APBB2: variants seen among roughly 807,000 people sequenced by gnomAD.
APBB2 encodes the protein amyloid beta precursor protein binding family B member 2, also known as Fe65-like 1.
In APBB2, 38 loss-of-function variants were observed where a neutral mutation model predicts 82.5. The observed-to-expected ratio is 0.46, with a 90% CI of 0.36 to 0.60. The LOEUF (loss-of-function observed/expected upper bound fraction) is 0.60. APBB2 is among the 20% of genes least tolerant of loss of function. APBB2 has a pLI of 0.00. For synonymous variants in APBB2, 341 were observed against 368.2 expected (o/e 0.93, Z 0.85); for missense variants, 772 against 972.3 (o/e 0.79, Z 2.74).
At chr4:41,034,938 T>C (rs889610817) in intron 4 of APBB2, among the ~76,000 whole-genome samples, 4 of 152,212 alleles carry the variant, frequency 2.6e-5, no homozygotes, top group African/African-American at 9.7e-5. Context: ...CAAATACAGA[T>C]ACTGTATGAT....
intron 1 of APBB2, among the ~76,000 whole-genome samples, chr4:41,168,900 G>A (rs75708228): frequency 9.3e-4 from 142 of 152,216 alleles, no homozygotes; most frequent in African/African-American, 3.4e-3. Context: ...AGAGGACAGA[G>A]AAGTGGCTGG....
intron 10 of APBB2, among the ~76,000 whole-genome samples, chr4:40,903,512 G>A (rs1216923328): frequency 4.6e-5 from 7 of 152,124 alleles, no homozygotes; most frequent in Admixed American, 2.0e-4. Context: ...TGATTTTGAT[G>A]TAAGCCCCCT....
At chr4:40,952,517 C>A (rs574567728) in intron 6 of APBB2, among the ~76,000 whole-genome samples, 1 of 152,204 alleles carries the variant, frequency 6.6e-6, no homozygotes, top group South Asian at 2.1e-4. Context: ...CCTCATTCTC[C>A]ATTTTTAAGT....
In APBB2 at chr4:40,934,598, C is replaced by A; in HGVS notation, c.1193+16G>T. 1.9e-6 allele frequency: 3 copies of A among 1,612,526 alleles called. No individual in the cohort carries two copies. Among genetic ancestry groups the A allele is most frequent in the Non-Finnish European group, 2.5e-6 (3 of 1,178,560 alleles). ...AGCCATACATTGACAGCAGGTCGAT[C>A]CTACTAATGTCCTACCTGAGTTTCA... On this transcript the variant is annotated intron_variant, in intron 9 of 17. Transcript: ENST00000508593.
At chr4:41,151,721 C>T (rs1762320895) in intron 1 of APBB2, among the ~76,000 whole-genome samples, 1 of 151,672 alleles carries the variant, frequency 6.6e-6, no homozygotes, top group African/African-American at 2.4e-5. Context: ...AGTCAGCTCT[C>T]AGTCTGATAA....
chr4:40,889,482 T>C (rs1048073646), intron 12 of APBB2, among the ~76,000 whole-genome samples: 2 of 152,226 alleles, frequency 1.3e-5, no homozygotes, highest in Non-Finnish European at 2.9e-5. Flanking sequence ...ATTTTTATCC[T>C]CTTTTGCAAT....
At chr4:40,999,342 A>G (rs907641711) in intron 6 of APBB2, among the ~76,000 whole-genome samples, 4 of 152,164 alleles carry the variant, frequency 2.6e-5, no homozygotes, top group African/African-American at 9.7e-5. Context: ...TACTCAGGAA[A>G]TGAAGTGGGA....
At chr4:41,167,037 T>A (rs1024502441) in intron 1 of APBB2, among the ~76,000 whole-genome samples, 4 of 152,196 alleles carry the variant, frequency 2.6e-5, no homozygotes, top group Non-Finnish European at 4.4e-5. Context: ...CCTCCCACGT[T>A]CAATAATTCA....
chr4:40,841,669 ATTAT>A (rs556036924), intron 12 of APBB2, among the ~76,000 whole-genome samples: 390 of 151,986 alleles, frequency 2.6e-3, no homozygotes, highest in South Asian at 4.0e-3. Flanking sequence ...AAGCACTAAT[ATTAT>A]TTATTTATTT....
chr4:41,151,188 A>C (rs946696031), intron 1 of APBB2, among the ~76,000 whole-genome samples: 1 of 152,148 alleles, frequency 6.6e-6, no homozygotes, highest in African/African-American at 2.4e-5. Context: ...TGTTTATCTT[A>C]AAATTGTTAA....
chr4:41,025,965 AAAAAAAGG>A (rs1713994019), intron 5 of APBB2, among the ~76,000 whole-genome samples: 1 of 148,044 alleles, frequency 6.8e-6, no homozygotes, highest in African/African-American at 2.6e-5. Flanking sequence ...AAAAAAAAAG[AAAAAAAGG>A]AAAATGTGGT....
chr4:40,852,306 G>GT (rs1357866984), intron 12 of APBB2, among the ~76,000 whole-genome samples: 4 of 147,530 alleles, frequency 2.7e-5, no homozygotes, highest in East Asian at 2.0e-4. Context: ...GGCCGAGATC[G>GT]TGACACTGCA....
At chr4:40,987,752 C>T (rs138599653) in intron 6 of APBB2, among the ~76,000 whole-genome samples, 5,188 of 152,220 alleles carry the variant, frequency 0.034, 128 homozygotes, top group Middle Eastern at 0.065. Flanking sequence ...GTTTCTAGAA[C>T]TCTTTTAAAC....
chr4:40,820,302 A>G (rs1577667029), intron 17 of APBB2, among the ~76,000 whole-genome samples: 1 of 152,116 alleles, frequency 6.6e-6, no homozygotes, highest in African/African-American at 2.4e-5. Flanking sequence ...GCTGATCGCC[A>G]CCTCAGCCTT....
In APBB2 at chr4:41,188,909, T is replaced by A. The variant is rs149549304; in HGVS notation, c.-417+25496A>T. ...GCCTAGGTGACAGTGAGACCCCGTCTCAATTCAAAAAAAGAAAAAGTGGTG... is the reference window on the plus strand; with the variant it reads ...GCCTAGGTGACAGTGAGACCCCGTCACAATTCAAAAAAAGAAAAAGTGGTG... On this transcript the variant is annotated intron_variant, in intron 1 of 17. Transcript: ENST00000508593. Among the ~76,000 whole-genome samples the A allele has an allele frequency of 2.0e-5, 3 of 152,072 alleles. No individual in the cohort carries two copies. In the East Asian group the frequency reaches 5.8e-4, roughly 29 times the overall value.
intron 2 of APBB2, among the ~76,000 whole-genome samples, chr4:41,125,118 A>C (rs1023461824): frequency 6.6e-6 from 1 of 152,208 alleles, no homozygotes; most frequent in Non-Finnish European, 1.5e-5. Flanking sequence ...GCTGGAATTC[A>C]GGGTCATCTG....
chr4:41,021,387 G>A (rs1403429469), intron 5 of APBB2, among the ~76,000 whole-genome samples: 1 of 152,162 alleles, frequency 6.6e-6, no homozygotes, highest in Admixed American at 6.5e-5. Context: ...GGTCGAGTGG[G>A]GACTTGGAGA....
At chr4:41,030,333 T>C (rs1716250508) in intron 5 of APBB2, among the ~76,000 whole-genome samples, 1 of 152,182 alleles carries the variant, frequency 6.6e-6, no homozygotes, top group African/African-American at 2.4e-5. Context: ...CAAGTAAGAA[T>C]TAAGACCTTT....
chr4:41,074,733 C>A (rs1735060526), intron 3 of APBB2, among the ~76,000 whole-genome samples: 2 of 151,850 alleles, frequency 1.3e-5, no homozygotes, highest in South Asian at 4.2e-4. Flanking sequence ...CCTCAGCCTC[C>A]CGAGTAGCTG....
Sources: allele counts gnomAD v4.1 joint callset (sites outside exome capture counted in the v4.1 genomes callset), GRCh38; gene constraint gnomAD v4.1.1; transcripts MANE v1.5; gene names NCBI Gene and HGNC (gene_info 2026-07-23, HGNC 2026-07-21).